HDGFL2: variants seen among roughly 807,000 people sequenced by gnomAD.
HDGFL2 encodes the protein HDGF like 2.
HDGFL2 carries 36 observed loss-of-function variants against 77.1 expected under a neutral mutation model. The observed-to-expected ratio is 0.47, with a 90% confidence interval of 0.36 to 0.62. The LOEUF is 0.62. HDGFL2 is among the 20% of genes least tolerant of loss of function. HDGFL2 has a pLI of 0.00. For missense variants in HDGFL2, 976 were observed against 973.4 expected (o/e 1.00, Z -0.04); for synonymous variants, 463 against 413.1 (o/e 1.12, Z -1.46).
chr19:4,482,518 TC>T (rs1975247355), intron 3 of HDGFL2, among the ~76,000 whole-genome samples: 1 of 152,168 alleles, frequency 6.6e-6, no homozygotes, highest in Admixed American at 6.6e-5. Flanking sequence ...ATTATTTTTT[TC>T]ATAGAGACAG....
intron 1 of HDGFL2, among the ~76,000 whole-genome samples, chr19:4,472,673 C>T (rs1974972945): frequency 6.7e-6 from 1 of 149,614 alleles, no homozygotes; most frequent in Non-Finnish European, 1.5e-5. Context: ...CGGAGCCGCG[C>T]CCCGGGGTCT....
At chr19:4,488,433 C>T (rs1237186462) in intron 3 of HDGFL2, among the ~76,000 whole-genome samples, 2 of 152,198 alleles carry the variant, frequency 1.3e-5, no homozygotes, top group African/African-American at 4.8e-5. Flanking sequence ...AGTCATTTGC[C>T]CCAGGTTTAA....
At chr19:4,476,189 C>CTTTTTTTTT (rs34154932) in intron 3 of HDGFL2, among the ~76,000 whole-genome samples, 1 of 83,978 alleles carries the variant, frequency 1.2e-5, no homozygotes, top group Non-Finnish European at 2.3e-5. Context: ...TGTGCCCAGC[C>CTTTTTTTTT]TTTTTTTTTT....
At chr19:4,475,948 G>T (rs1975061798) in intron 3 of HDGFL2, among the ~76,000 whole-genome samples, 1 of 151,380 alleles carries the variant, frequency 6.6e-6, no homozygotes, top group East Asian at 1.9e-4. Flanking sequence ...GGAGTGCAGT[G>T]GCGCGATCTC....
At chr19:4,478,087 A>AAC (rs1975116970) in intron 3 of HDGFL2, among the ~76,000 whole-genome samples, 3 of 151,564 alleles carry the variant, frequency 2.0e-5, no homozygotes, top group Non-Finnish European at 4.4e-5. Context: ...CTCAAAAAAA[A>AAC]AAAAAAAAAA....
At chr19:4,501,678 A>C (rs1599729323) in intron 15 of HDGFL2, 6 of 498,372 alleles carry the variant, frequency 1.2e-5, no homozygotes, top group Non-Finnish European at 2.1e-5. Context: ...GGCTCAGTGG[A>C]GTCACTCACT....
At chr19:4,487,941 C>CT (rs1167336983) in intron 3 of HDGFL2, among the ~76,000 whole-genome samples, 58 of 132,992 alleles carry the variant, frequency 4.4e-4, no homozygotes, top group Non-Finnish European at 3.3e-5. Context: ...AATTGAATGA[C>CT]TTAAAAAAAA....
chr19:4,497,617 C>G, intron 10 of HDGFL2: 1 of 366,634 alleles, frequency 2.7e-6, no homozygotes, highest in Non-Finnish European at 5.0e-6. Flanking sequence ...CAATGGGCCT[C>G]TCTCCTGCAC....
intron 3 of HDGFL2, among the ~76,000 whole-genome samples, chr19:4,479,503 C>A (rs1203218685): frequency 6.6e-6 from 1 of 151,616 alleles, no homozygotes; most frequent in East Asian, 1.9e-4. Flanking sequence ...ATGGCATGAA[C>A]CCGGGAGGCG....
chr19:4,497,974 C>T lies in HDGFL2; in HGVS notation c.1345C>T (p.Arg449Trp), dbSNP rs182131576. The T allele has an allele frequency of 1.9e-5, 30 of 1,554,498 alleles. No individual in the cohort carries two copies. The highest frequency in any genetic ancestry group is 3.3e-4 in the Middle Eastern group (2 of 5,994). The change falls in exon 11 of 16, where the codon CGG becomes TGG. Residue 449 changes from arginine to tryptophan, a missense_variant. By Grantham distance (101) the Arg-to-Trp change is moderately radical. Coordinates refer to ENST00000616600, the MANE Select transcript of HDGFL2 (RefSeq NM_001001520.3). ...TCTCCACAGGCCCGTGAAGGTGGAG[C>T]GGACCCGGAAGCGGTCCGAGGGCTT... Reference protein sequence around the residue: ...KQQAKPVKVERTRKRSEGFSM... With the variant: ...KQQAKPVKVEWTRKRSEGFSM...
intron 1 of HDGFL2, chr19:4,474,975 C>G (rs1215880641): frequency 2.3e-5 from 8 of 346,486 alleles, no homozygotes; most frequent in Non-Finnish European, 3.8e-5. Flanking sequence ...TCCATAGACG[C>G]TGAGCTTGGC....
At chr19:4,484,088 C>CT (rs577665698) in intron 3 of HDGFL2, among the ~76,000 whole-genome samples, 3,741 of 122,640 alleles carry the variant, frequency 0.031, 172 homozygotes, top group African/African-American at 0.068. Flanking sequence ...TGCACCCGGC[C>CT]TTTTTTTTTT....
chr19:4,479,304 C>T (rs939967700), intron 3 of HDGFL2, among the ~76,000 whole-genome samples: 2 of 151,606 alleles, frequency 1.3e-5, no homozygotes, highest in Admixed American at 6.6e-5. Flanking sequence ...AAAAATTAGG[C>T]CGGGTGCCGT....
intron 3 of HDGFL2, among the ~76,000 whole-genome samples, chr19:4,482,763 C>A (rs1204332382): frequency 6.6e-6 from 1 of 152,216 alleles, no homozygotes; most frequent in Non-Finnish European, 1.5e-5. Context: ...CCTCTCCCTG[C>A]CTTTTTTCCT....
chr19:4,499,387 C>T, intron 13 of HDGFL2, 104 bp from the exon 14 acceptor site: 1 of 978,786 alleles, frequency 1.0e-6, no homozygotes. Flanking sequence ...AGCTGTGCTC[C>T]CGGGAGGGGC....
chr19:4,493,892 G>A (rs1258163084), intron 7 of HDGFL2, 30 bp downstream of exon 7: 1 of 1,511,396 alleles, frequency 6.6e-7, no homozygotes, highest in African/African-American at 1.4e-5. Context: ...ACATCTCTTG[G>A]CCTGGCCCCT....
Position 4,472,306 on chromosome 19 carries a change from C to A in HDGFL2, c.-45C>A, listed in dbSNP as rs768457519. 18 of 1,405,192 alleles carry A rather than the reference C, an allele frequency of 1.3e-5. No homozygotes were observed. The African/African-American group carries it at 1.8e-4, about 14-fold the overall frequency. 87.0% of individuals were successfully genotyped at this position (1,405,192 alleles called of 1,614,324 possible). ...CCGCCGCCGCCGCCGCAGCCGCTAC[C>A]GCCGCTGCAGCCGCTTTCCGCGGCC... On this transcript the variant is annotated 5_prime_UTR_variant, in exon 1 of 16. Coordinates refer to ENST00000616600, the MANE Select transcript of HDGFL2 (RefSeq NM_001001520.3).
At chr19:4,495,975 T>C (rs1975691387) in intron 9 of HDGFL2, among the ~76,000 whole-genome samples, 1 of 152,084 alleles carries the variant, frequency 6.6e-6, no homozygotes, top group African/African-American at 2.4e-5. Context: ...AACAGCGCCG[T>C]GTTCTCTCTC....
chr19:4,495,142 C>T (rs1489198155), intron 9 of HDGFL2, among the ~76,000 whole-genome samples: 2 of 152,132 alleles, frequency 1.3e-5, no homozygotes, highest in African/African-American at 4.8e-5. Context: ...AATCCCAGCA[C>T]TCTGGGAGGC....
Sources: allele counts gnomAD v4.1 joint callset (sites outside exome capture counted in the v4.1 genomes callset), GRCh38; gene constraint gnomAD v4.1.1; transcripts MANE v1.5; gene names NCBI Gene and HGNC (gene_info 2026-07-23, HGNC 2026-07-21).